ADAMTS17: variants seen among roughly 807,000 people sequenced by gnomAD.
ADAMTS17 encodes the protein ADAM metallopeptidase with thrombospondin type 1 motif 17.
Under a neutral mutation model 141.5 loss-of-function variants are expected in ADAMTS17, and 113 were observed. The observed-to-expected ratio is 0.80, with a 90% CI of 0.69 to 0.93. ADAMTS17 has a LOEUF of 0.93. Ranked by LOEUF, ADAMTS17 falls within the 40% of genes least tolerant of loss-of-function variation. The probability of loss-of-function intolerance (pLI) is 0.00; values close to 1 mark genes in which losing one functional copy is unlikely to be tolerated. For missense variants in ADAMTS17, 1,659 were observed against 1,517.9 expected, an observed-to-expected ratio of 1.09 and a Z score of -1.54; for synonymous variants, 768 against 630.6, an observed-to-expected ratio of 1.22 and a Z score of -3.27.
At chr15:100,101,340 T>C (rs1244488646) in intron 14 of ADAMTS17, among the ~76,000 whole-genome samples, 1 of 152,226 alleles carries the variant, frequency 6.6e-6, no homozygotes, top group African/African-American at 2.4e-5. Context: ...TGTCTGTATG[T>C]TGGACAGGGA....
At chr15:100,032,748 C>T (rs1393491428) in intron 18 of ADAMTS17, among the ~76,000 whole-genome samples, 1 of 152,180 alleles carries the variant, frequency 6.6e-6, no homozygotes, top group Admixed American at 6.5e-5. Flanking sequence ...CATTGTTTTG[C>T]ATTCTGTTAC....
chr15:100,276,839 A>T (rs1238894865), intron 4 of ADAMTS17, among the ~76,000 whole-genome samples: 7 of 152,200 alleles, frequency 4.6e-5, no homozygotes. Flanking sequence ...TTTCTAAAAC[A>T]GCCGCAGGCA....
intron 10 of ADAMTS17, among the ~76,000 whole-genome samples, chr15:100,144,499 G>A (rs1275726457): frequency 1.3e-5 from 2 of 151,890 alleles, no homozygotes; most frequent in African/African-American, 4.8e-5. Context: ...GCAGTGAGCC[G>A]AGACTGTGCC....
chr15:100,303,030 G>T (rs2045096447), intron 3 of ADAMTS17, among the ~76,000 whole-genome samples: 1 of 151,004 alleles, frequency 6.6e-6, no homozygotes, highest in African/African-American at 2.4e-5. Context: ...TTACTCCATA[G>T]CCTGCAGATG....
At chr15:100,108,787 T>A (rs7166912) in intron 14 of ADAMTS17, among the ~76,000 whole-genome samples, 2 of 152,040 alleles carry the variant, frequency 1.3e-5, no homozygotes, top group African/African-American at 4.8e-5. Context: ...CCACTCCTTG[T>A]TGGCCTAGCA....
At chr15:100,182,316 C>T (rs1370462499) in intron 8 of ADAMTS17, among the ~76,000 whole-genome samples, 4 of 152,162 alleles carry the variant, frequency 2.6e-5, no homozygotes, top group African/African-American at 7.2e-5. Flanking sequence ...CACTCACTAT[C>T]GCAAGAACAG....
At chr15:100,313,534 A>C (rs1442265986) in intron 3 of ADAMTS17, among the ~76,000 whole-genome samples, 7 of 152,228 alleles carry the variant, frequency 4.6e-5, no homozygotes, top group Admixed American at 4.6e-4. Context: ...CATCTAAATA[A>C]ATAAATGTAG....
At chr15:100,296,580 G>GTGTGTGTGTGTGTGTGTGT (rs1555504074) in intron 3 of ADAMTS17, among the ~76,000 whole-genome samples, 1 of 107,918 alleles carries the variant, frequency 9.3e-6, no homozygotes, top group East Asian at 2.2e-4. Flanking sequence ...GGTGAGGGGG[G>GTGTGTGTGTGTGTGTGTGT]GTGTGTGTGT....
chr15:100,191,648 C>T (rs2040921001), intron 8 of ADAMTS17, among the ~76,000 whole-genome samples: 1 of 152,250 alleles, frequency 6.6e-6, no homozygotes, highest in African/African-American at 2.4e-5. Flanking sequence ...TTGCTGCAGA[C>T]AGCAGTAGGG....
intron 7 of ADAMTS17, among the ~76,000 whole-genome samples, chr15:100,210,103 C>T (rs943208350): frequency 5.3e-5 from 8 of 151,646 alleles, no homozygotes; most frequent in Non-Finnish European, 1.0e-4. Flanking sequence ...GCATAGTGGG[C>T]GCCTGTTGTC....
intron 14 of ADAMTS17, among the ~76,000 whole-genome samples, chr15:100,104,664 C>T (rs575922378): frequency 5.9e-5 from 9 of 152,174 alleles, no homozygotes; most frequent in Admixed American, 5.9e-4. Flanking sequence ...TCTGTGAGTG[C>T]TGTCTCATAT....
intron 3 of ADAMTS17, among the ~76,000 whole-genome samples, chr15:100,327,797 T>C (rs764965422): frequency 2.0e-5 from 3 of 152,210 alleles, no homozygotes; most frequent in Non-Finnish European, 2.9e-5. Context: ...AGGAGCAATG[T>C]AGGAAACAGG....
intron 2 of ADAMTS17, among the ~76,000 whole-genome samples, chr15:100,338,630 C>T (rs933103790): frequency 1.5e-3 from 7 of 4,650 alleles, no homozygotes; most frequent in South Asian, 0.17. Context: ...GAAGTTTGCC[C>T]GACTCTTGCT....
chr15:100,189,685 T>C (rs4641722), intron 8 of ADAMTS17, among the ~76,000 whole-genome samples: 9,327 of 152,312 alleles, frequency 0.061, 396 homozygotes, highest in East Asian at 0.17. Flanking sequence ...CTTCAGTGTC[T>C]GAAGCTGCCT....
intron 6 of ADAMTS17, among the ~76,000 whole-genome samples, chr15:100,260,856 A>G (rs1596384217): frequency 6.6e-6 from 1 of 152,200 alleles, no homozygotes; most frequent in Non-Finnish European, 1.5e-5. Context: ...GGTATTTTTA[A>G]TCTAATGCAT....
chr15:100,230,579 G>A (rs1304110633), intron 7 of ADAMTS17, among the ~76,000 whole-genome samples: 2 of 152,154 alleles, frequency 1.3e-5, no homozygotes, highest in African/African-American at 4.8e-5. Context: ...AAGTCTAATT[G>A]TCCTGAGGCA....
At chr15:100,324,916 A>G (rs956578583) in intron 3 of ADAMTS17, among the ~76,000 whole-genome samples, 12 of 152,188 alleles carry the variant, frequency 7.9e-5, no homozygotes, top group African/African-American at 2.4e-4. Context: ...AAGCTCAGAG[A>G]GGGTGGCACC....
At chr15:100,043,742 A>G (rs778480168) in intron 18 of ADAMTS17, among the ~76,000 whole-genome samples, 81 of 152,286 alleles carry the variant, frequency 5.3e-4, no homozygotes, top group Non-Finnish European at 1.1e-3. Flanking sequence ...AGACCTATAC[A>G]GATGAAGTTT....
At chr15:100,042,618 C>A (rs547414310) in intron 18 of ADAMTS17, among the ~76,000 whole-genome samples, 1 of 152,280 alleles carries the variant, frequency 6.6e-6, no homozygotes, top group South Asian at 2.1e-4. Flanking sequence ...CACTCTTGTG[C>A]TTTGAGACCA....
Sources: gnomAD v4.1 joint callset for allele counts (sites outside exome capture counted in the v4.1 genomes callset) on GRCh38, gnomAD v4.1.1 for gene constraint, MANE v1.5 for transcripts, NCBI Gene and HGNC (gene_info 2026-07-23, HGNC 2026-07-21) for gene names.